The following FHIT variants were observed in gnomAD, a reference collection of about 807,000 sequenced individuals.
FHIT encodes fragile histidine triad diadenosine triphosphatase, also known as bis(5'-adenosyl)-triphosphatase.
Under a neutral mutation model 17.9 loss-of-function variants are expected in FHIT, and 19 were observed. The observed-to-expected ratio is 1.06, with a 90% CI of 0.74 to 1.56. FHIT has a LOEUF of 1.56. Among genes scored for constraint, FHIT ranks in the 40% most tolerant of loss-of-function variants. The pLI, the probability that FHIT is intolerant of heterozygous loss-of-function variation, is 0.00. For synonymous variants in FHIT, 81 were observed against 69.7 expected (o/e 1.16, Z -0.81); for missense variants, 248 against 189.2 (o/e 1.31, Z -1.82).
intron 5 of FHIT, among the ~76,000 whole-genome samples, chr3:60,506,283 G>C (rs556678096): frequency 6.6e-6 from 1 of 152,238 alleles, no homozygotes; most frequent in African/African-American, 2.4e-5. Context: ...GGGAAGGGAT[G>C]GATGTATTCC....
Position 59,749,520 on chromosome 3 carries a change from G to GC in FHIT, c.*64_*65insG, listed in dbSNP as rs1303250600. The GC allele has an allele frequency of 8.7e-6, 2 of 231,214 alleles. No individual in the cohort carries two copies. Among genetic ancestry groups the GC allele is most frequent in the Non-Finnish European group, 1.7e-5 (2 of 117,194 alleles). 14.3% of individuals were successfully genotyped at this position (231,214 alleles called of 1,614,324 possible). On this transcript the variant is annotated 3_prime_UTR_variant, in exon 10 of 10. Transcript: ENST00000492590. ...CAGTTCCTCTTGGGGAGAGGCGGGG[G>GC]GCGGTCTTCAAACTGGTTGGCAATA...
chr3:61,173,165 T>A (rs955508864), intron 2 of FHIT, among the ~76,000 whole-genome samples: 1 of 152,212 alleles, frequency 6.6e-6, no homozygotes, highest in African/African-American at 2.4e-5. Context: ...ATAAAATACA[T>A]GTGCAGCTAG....
At chr3:60,943,190 T>C (rs1244460731) in intron 3 of FHIT, among the ~76,000 whole-genome samples, 2 of 152,132 alleles carry the variant, frequency 1.3e-5, no homozygotes, top group Non-Finnish European at 2.9e-5. Context: ...TATCAGTGTC[T>C]GAGAGAAAAA....
chr3:60,541,059 C>G (rs1022633543), intron 4 of FHIT, among the ~76,000 whole-genome samples: 1 of 152,160 alleles, frequency 6.6e-6, no homozygotes, highest in Non-Finnish European at 1.5e-5. Flanking sequence ...GAACCACTGA[C>G]CAAACCCAAC....
At position 61,214,866 on chromosome 3, in the gene FHIT, T is replaced by C. The variant is rs535632662; in HGVS notation, c.-212-14201A>G. On this transcript the variant is annotated intron_variant, in intron 1 of 9. Transcript: ENST00000492590. ...GGCTGGTCCAATGTATGCAAATCAG[T>C]AAATGTAATCCAGCATATAAACAGA... Among the ~76,000 whole-genome samples the C allele has an allele frequency of 2.3e-4, 35 of 152,322 alleles. 1 individual carries two copies. The South Asian group carries it at 7.0e-3, about 31-fold the overall frequency.
At chr3:61,215,856 G>C (rs1576240596) in intron 1 of FHIT, among the ~76,000 whole-genome samples, 3 of 152,238 alleles carry the variant, frequency 2.0e-5, no homozygotes, top group African/African-American at 7.2e-5. Context: ...CTGCAACTAT[G>C]TGATCTTTGA....
intron 5 of FHIT, among the ~76,000 whole-genome samples, chr3:60,249,822 T>G (rs1240141952): frequency 1.3e-5 from 2 of 151,944 alleles, no homozygotes; most frequent in Admixed American, 1.3e-4. Flanking sequence ...GGAAAGAGAT[T>G]TAGTGGACTC....
intron 2 of FHIT, among the ~76,000 whole-genome samples, chr3:61,056,457 A>G (rs561068240): frequency 1.3e-5 from 2 of 152,342 alleles, no homozygotes; most frequent in East Asian, 3.9e-4. Context: ...GTGAAAGCAA[A>G]CAAACAACAA....
intron 4 of FHIT, among the ~76,000 whole-genome samples, chr3:60,653,421 A>T (rs2040042626): frequency 6.6e-6 from 1 of 152,076 alleles, no homozygotes; most frequent in African/African-American, 2.4e-5. Context: ...CCAAGTACAG[A>T]AGTAAGTGAG....
intron 2 of FHIT, among the ~76,000 whole-genome samples, chr3:61,145,383 C>G (rs1576099766): frequency 1.3e-5 from 2 of 152,094 alleles, no homozygotes; most frequent in South Asian, 4.2e-4. Context: ...ATTGATCTAC[C>G]TTTTTTGTTA....
intron 7 of FHIT, among the ~76,000 whole-genome samples, chr3:59,934,384 G>A (rs1334734080): frequency 6.6e-6 from 1 of 152,016 alleles, no homozygotes; most frequent in Admixed American, 6.6e-5. Context: ...TGCACCCCCT[G>A]CTATTCAACC....
chr3:60,667,021 A>ATTTTTTTTTTTT (rs56071877), intron 4 of FHIT, among the ~76,000 whole-genome samples: 3 of 34,128 alleles, frequency 8.8e-5, no homozygotes, highest in African/African-American at 3.1e-4. Flanking sequence ...TGCCTGGTTA[A>ATTTTTTTTTTTT]TTTTTTTTTT....
intron 4 of FHIT, among the ~76,000 whole-genome samples, chr3:60,582,302 C>G (rs1553659931): frequency 6.6e-6 from 1 of 152,038 alleles, no homozygotes; most frequent in African/African-American, 2.4e-5. Context: ...GCATGAATGT[C>G]TAATTGATGA....
chr3:59,972,660 A>G (rs1343010354), intron 7 of FHIT, among the ~76,000 whole-genome samples: 1 of 152,082 alleles, frequency 6.6e-6, no homozygotes, highest in African/African-American at 2.4e-5. Context: ...TTCACAGCTT[A>G]AAGTCTTCAC....
At chr3:60,504,996 G>T (rs551958930) in intron 5 of FHIT, among the ~76,000 whole-genome samples, 3 of 152,248 alleles carry the variant, frequency 2.0e-5, no homozygotes, top group South Asian at 2.1e-4. Context: ...GGTCCCAGGG[G>T]ACAAGGGGAA....
chr3:60,457,541 G>C (rs375833920), intron 5 of FHIT, among the ~76,000 whole-genome samples: 6 of 152,058 alleles, frequency 3.9e-5, no homozygotes, highest in Non-Finnish European at 7.4e-5. Flanking sequence ...CATGTCTAAA[G>C]CACCAAAAGC....
Position 59,849,625 on chromosome 3 carries a change from C to T in FHIT, c.348+72721G>A, listed in dbSNP as rs183611146. On this transcript the variant is annotated intron_variant, in intron 8 of 9. Coordinates refer to ENST00000492590, the MANE Select transcript of FHIT (RefSeq NM_002012.4). ...TCGTTTCCTAAACTTTCCAACAGCA[C>T]GTACCTGAGGGACTGTATGGAAGAG... Among the ~76,000 whole-genome samples, 15 of 152,182 alleles carry T rather than the reference C, an allele frequency of 9.9e-5. No homozygotes were observed. In the East Asian group the frequency reaches 1.7e-3, roughly 18 times the overall value.
intron 5 of FHIT, among the ~76,000 whole-genome samples, chr3:60,098,738 T>C (rs1303099273): frequency 1.3e-5 from 2 of 152,232 alleles, no homozygotes; most frequent in Admixed American, 6.5e-5. Context: ...TTTTCTTTTC[T>C]CTAGCAAACT....
chr3:59,937,017 G>A (rs1706275397), intron 7 of FHIT, among the ~76,000 whole-genome samples: 1 of 152,120 alleles, frequency 6.6e-6, no homozygotes, highest in African/African-American at 2.4e-5. Flanking sequence ...ACAGACAAAT[G>A]GTTTGATTAA....
Sources: gnomAD v4.1 joint callset for allele counts (sites outside exome capture counted in the v4.1 genomes callset) on GRCh38, gnomAD v4.1.1 for gene constraint, MANE v1.5 for transcripts, NCBI Gene and HGNC (gene_info 2026-07-23, HGNC 2026-07-21) for gene names.